Variants in STAM observed in about 807,000 individuals in gnomAD.
The protein encoded by STAM is signal transducing adapter molecule 1.
A neutral mutation model predicts 63.4 loss-of-function variants in STAM; 16 were observed. That is an observed-to-expected ratio of 0.25 (90% confidence interval 0.17 to 0.38). STAM has a LOEUF of 0.38. Among genes scored for constraint, STAM ranks in the 10% least tolerant of loss-of-function variants. STAM has a pLI of 1.00. For synonymous variants in STAM, 238 were observed against 223.9 expected, an observed-to-expected ratio of 1.06 and a Z score of -0.56; for missense variants, 636 against 657.1, an observed-to-expected ratio of 0.97 and a Z score of 0.35.
chr10:17,714,612 C>G lies in STAM; in HGVS notation c.1455C>G (p.Ala485=). ...SQAPVYSPPP[A]ATAAAATADV... ...CGCCAGTATATAGTCCTCCTCCTGC[C>G]GCTACTGCTGCTGCTGCAACTGCCG... Residue 485 remains alanine, a synonymous_variant, in exon 14 of 14, where the codon GCC becomes GCG. Coordinates refer to ENST00000377524, the MANE Select transcript of STAM (RefSeq NM_003473.4). 2 of 1,614,138 alleles carry G rather than the reference C, an allele frequency of 1.2e-6. No individual in the cohort carries two copies. Among genetic ancestry groups the G allele is most frequent in the Non-Finnish European group, 1.7e-6 (2 of 1,180,026 alleles).
At chr10:17,709,093 T>A in intron 13 of STAM, 142 bp downstream of exon 13, 1 of 957,058 alleles carries the variant, frequency 1.0e-6, no homozygotes, top group Non-Finnish European at 1.5e-6. Context: ...TAATGAGTGG[T>A]GGAGCCTCTG....
intron 4 of STAM, among the ~76,000 whole-genome samples, chr10:17,687,469 A>G (rs1350976419): frequency 6.6e-6 from 1 of 151,792 alleles, no homozygotes; most frequent in Non-Finnish European, 1.5e-5. Context: ...GGCTTCTGCC[A>G]CAGGGTGAGA....
At chr10:17,659,216 AC>A (rs1427145061) in intron 1 of STAM, among the ~76,000 whole-genome samples, 2 of 152,162 alleles carry the variant, frequency 1.3e-5, no homozygotes, top group East Asian at 3.9e-4. Flanking sequence ...TAATGCAAGT[AC>A]CTTATAATAA....
At chr10:17,704,572 G>A in intron 10 of STAM, 54 bp downstream of exon 10, 1 of 1,402,958 alleles carries the variant, frequency 7.1e-7, no homozygotes, top group Non-Finnish European at 1.0e-6. Flanking sequence ...GTTAATAACT[G>A]GTGTCCTGTT....
chr10:17,696,443 A>T (rs187199933), intron 7 of STAM, among the ~76,000 whole-genome samples: 1 of 152,260 alleles, frequency 6.6e-6, no homozygotes, highest in African/African-American at 2.4e-5. Flanking sequence ...GCCTGTCTTT[A>T]TAGCTCATTA....
chr10:17,656,285 CTCCG>C (rs1833934690), intron 1 of STAM, among the ~76,000 whole-genome samples: 1 of 140,702 alleles, frequency 7.1e-6, no homozygotes, highest in Non-Finnish European at 1.5e-5. Context: ...CAGAGCGAGA[CTCCG>C]TCTTAAAAAA....
chr10:17,686,077 A>T (rs1212120712), intron 4 of STAM, among the ~76,000 whole-genome samples: 1 of 152,200 alleles, frequency 6.6e-6, no homozygotes, highest in African/African-American at 2.4e-5. Context: ...TACTTTTCGA[A>T]CATCATGGTT....
chr10:17,668,831 A>T (rs1352775852), intron 2 of STAM, among the ~76,000 whole-genome samples: 1 of 152,152 alleles, frequency 6.6e-6, no homozygotes, highest in African/African-American at 2.4e-5. Context: ...CTTCCATTAT[A>T]TGGATGTTCT....
At chr10:17,686,682 C>T (rs1203917047) in intron 4 of STAM, among the ~76,000 whole-genome samples, 3 of 152,104 alleles carry the variant, frequency 2.0e-5, no homozygotes, top group Non-Finnish European at 4.4e-5. Flanking sequence ...CAGCCAACAT[C>T]CTGCCCTTTT....
At chr10:17,700,365 T>A in intron 9 of STAM, 86 bp downstream of exon 9, 1 of 1,037,768 alleles carries the variant, frequency 9.6e-7, no homozygotes, top group Non-Finnish European at 1.4e-6. Flanking sequence ...ATTACTTGAG[T>A]TTTTTTGTTG....
At chr10:17,659,650 A>G (rs1319506747) in intron 1 of STAM, among the ~76,000 whole-genome samples, 1 of 151,636 alleles carries the variant, frequency 6.6e-6, no homozygotes, top group Non-Finnish European at 1.5e-5. Flanking sequence ...TTTTTTAAAG[A>G]TGAGGCCTTG....
Position 17,704,886 on chromosome 10 carries a change from C to T in STAM, c.1001-84C>T, listed in dbSNP as rs887270585. ...ATTACTCCAAATTAAATCTTTTATTCCTTAAATTATACAAATATCTATCAA... is the reference window on the plus strand; with the variant it reads ...ATTACTCCAAATTAAATCTTTTATTTCTTAAATTATACAAATATCTATCAA... On this transcript the variant is annotated intron_variant, in intron 10 of 13. Transcript: ENST00000377524. The T allele has an allele frequency of 2.6e-6, 3 of 1,156,278 alleles. No homozygotes were observed. In the African/African-American group the frequency reaches 4.7e-5, roughly 18 times the overall value. 71.6% of individuals were successfully genotyped at this position (1,156,278 alleles called of 1,614,324 possible). A position where few individuals can be genotyped will look rare whatever the true frequency, so the allele number is the denominator to read the frequency against.
At chr10:17,702,947 C>T (rs1307713574) in intron 9 of STAM, among the ~76,000 whole-genome samples, 2 of 135,972 alleles carry the variant, frequency 1.5e-5, no homozygotes, top group Non-Finnish European at 3.1e-5. Flanking sequence ...GGCGGAAGGT[C>T]GTAGTGAGCC....
At chr10:17,703,872 C>T (rs1294941149) in intron 9 of STAM, among the ~76,000 whole-genome samples, 3 of 152,162 alleles carry the variant, frequency 2.0e-5, no homozygotes, top group Non-Finnish European at 4.4e-5. Flanking sequence ...GAAACAGCTG[C>T]TGTATTCACC....
At chr10:17,688,386 A>G (rs1158298834) in intron 5 of STAM, among the ~76,000 whole-genome samples, 1 of 152,222 alleles carries the variant, frequency 6.6e-6, no homozygotes, top group African/African-American at 2.4e-5. Context: ...TGGAATATTA[A>G]TGTGCTCTAA....
intron 1 of STAM, among the ~76,000 whole-genome samples, chr10:17,653,013 A>T (rs1554821711): frequency 6.6e-6 from 1 of 152,146 alleles, no homozygotes; most frequent in Non-Finnish European, 1.5e-5. Context: ...CATCTTTGTT[A>T]TTTTTGGTGG....
chr10:17,661,471 G>C (rs548320446), intron 2 of STAM, among the ~76,000 whole-genome samples: 18 of 152,080 alleles, frequency 1.2e-4, no homozygotes, highest in Non-Finnish European at 2.2e-4. Context: ...ACAACTTCCA[G>C]CTGTCTTTAT....
intron 2 of STAM, among the ~76,000 whole-genome samples, chr10:17,678,023 A>G (rs188922738): frequency 9.8e-5 from 15 of 152,328 alleles, no homozygotes; most frequent in Admixed American, 2.0e-4. Flanking sequence ...AGAATATACA[A>G]TTCAGTGGGT....
Position 17,704,523 on chromosome 10 carries a change from A to G in STAM, c.1000+5A>G. 6.2e-7 allele frequency: 1 copy of G among 1,612,708 alleles called. No homozygotes were observed. On this transcript the variant is annotated splice_donor_5th_base_variant and intron_variant, in intron 10 of 13. Coordinates refer to ENST00000377524, the MANE Select transcript of STAM (RefSeq NM_003473.4). ...CAGAGCTGCTTCATCTTGAAGGTAA[A>G]ACTTTTCTATTTACCTTGCAAATAA...
Sources: allele counts gnomAD v4.1 joint callset (sites outside exome capture counted in the v4.1 genomes callset), GRCh38; gene constraint gnomAD v4.1.1; transcripts MANE v1.5; gene names NCBI Gene and HGNC (gene_info 2026-07-23, HGNC 2026-07-21).